LMO7: variants seen among roughly 807,000 people sequenced by gnomAD.
The protein encoded by LMO7 is LIM domain only protein 7.
LMO7 carries 120 observed loss-of-function variants against 206.5 expected under a neutral mutation model. That is an observed-to-expected ratio of 0.58 (90% CI 0.50 to 0.68). The LOEUF (loss-of-function observed/expected upper bound fraction) is 0.68. Among genes scored for constraint, LMO7 ranks in the 30% least tolerant of loss-of-function variants. LMO7 has a pLI of 0.00. For missense variants in LMO7, 1,959 were observed against 1,957.9 expected (o/e 1.00, Z -0.01); for synonymous variants, 706 against 681.5 (o/e 1.04, Z -0.56).
chr13:75,671,354 C>A (rs2039562995), intron 1 of LMO7, among the ~76,000 whole-genome samples: 1 of 152,032 alleles, frequency 6.6e-6, no homozygotes, highest in African/African-American at 2.4e-5. Flanking sequence ...TCATTTACAC[C>A]AGAATCACCA....
At chr13:75,762,987 A>T (rs2048386759) in intron 4 of LMO7, among the ~76,000 whole-genome samples, 1 of 152,194 alleles carries the variant, frequency 6.6e-6, no homozygotes, top group African/African-American at 2.4e-5. Flanking sequence ...AAGCAGATTT[A>T]AAGAAAAGCA....
chr13:75,805,057 A>G, intron 8 of LMO7: 1 of 1,001,986 alleles, frequency 1.0e-6, no homozygotes, highest in East Asian at 1.0e-4. Context: ...AAGAGGCCCC[A>G]GAATTTCATC....
intron 26 of LMO7, among the ~76,000 whole-genome samples, chr13:75,847,072 C>T (rs1163471729): frequency 6.7e-6 from 1 of 149,174 alleles, no homozygotes; most frequent in African/African-American, 2.5e-5. Flanking sequence ...AAAGTCTGAC[C>T]AAATTGATAA....
chr13:75,625,535 G>A lies in LMO7; in HGVS notation c.225+2215G>A, dbSNP rs1404542739. Among the ~76,000 whole-genome samples, 6 of 152,136 alleles carry A rather than the reference G, an allele frequency of 3.9e-5. 1 individual carries two copies. On this transcript the variant is annotated intron_variant, in intron 2 of 29. Transcript: ENST00000341547. ...CCTCTCCAGTTGATTTTCTCAGTAA[G>A]CATAAATGAAGCTGTAGATAGATGT...
At chr13:75,750,227 G>T (rs866897568) in intron 3 of LMO7, among the ~76,000 whole-genome samples, 1 of 152,054 alleles carries the variant, frequency 6.6e-6, no homozygotes, top group South Asian at 2.1e-4. Context: ...AGTACTTTTG[G>T]TGATCTAATA....
intron 21 of LMO7, 44 bp from the exon 22 acceptor site, chr13:75,840,346 GT>G: frequency 6.2e-7 from 1 of 1,606,624 alleles, no homozygotes; most frequent in Non-Finnish European, 8.5e-7. Flanking sequence ...ACTTAATGAA[GT>G]TATGTTGTTC....
chr13:75,822,292 A>C (rs1417227355), intron 14 of LMO7, among the ~76,000 whole-genome samples: 1 of 152,144 alleles, frequency 6.6e-6, no homozygotes, highest in East Asian at 1.9e-4. Context: ...GGTATAAAAA[A>C]TTGGATATTT....
At chr13:75,657,631 G>A (rs1367818193) in intron 1 of LMO7, among the ~76,000 whole-genome samples, 1 of 152,150 alleles carries the variant, frequency 6.6e-6, no homozygotes, top group African/African-American at 2.4e-5. Context: ...ATTCCTCAAG[G>A]ACCAACTTAT....
chr13:75,772,088 A>T (rs886398972), intron 4 of LMO7, among the ~76,000 whole-genome samples: 2 of 152,164 alleles, frequency 1.3e-5, no homozygotes, highest in Non-Finnish European at 2.9e-5. Flanking sequence ...TGACTCAAGC[A>T]CAGAAACACT....
rs1364825704 is a variant in LMO7 at position 75,809,018 on chromosome 13, A to G, written c.1917-136A>G. 9 of 717,964 alleles carry G rather than the reference A, an allele frequency of 1.3e-5. No homozygotes were observed. The Admixed American group carries it at 1.7e-4, about 14-fold the overall frequency. The allele number at this position is 717,964 out of a possible 1,614,324, so 44.5% of individuals were successfully genotyped here. A position where few individuals can be genotyped will look rare whatever the true frequency, so the allele number is the denominator to read the frequency against. On this transcript the variant is annotated intron_variant, in intron 10 of 30. Transcript: ENST00000377534. The stretch of plus-strand genomic sequence containing the variant: ...TTGATGAGAACTTGAGACATGATCA[A>G]GAATGTGATGGAAGAAGTGACCTTT...
intron 1 of LMO7, among the ~76,000 whole-genome samples, chr13:75,711,258 C>T (rs1373016783): frequency 6.6e-6 from 1 of 152,100 alleles, no homozygotes; most frequent in East Asian, 1.9e-4. Context: ...GTCTAAAATT[C>T]TCTTTTTTGG....
rs1331814141 is a variant in LMO7, at chr13:75,821,437, C to A, written c.2468C>A (p.Ala823Asp). The change falls in exon 14 of 31, where the codon GCC becomes GAC. Residue 823 changes from alanine (A) to aspartate (D), a missense_variant. Ala to Asp is a moderately radical substitution (Grantham distance 126). Transcript: ENST00000377534. ...AGTCCTGTGGAAGAACAAAGCCCAG[C>A]CTCTTTGTCTTCTCTGCGTTCACGG... ...SQSPVEEQSPASLSSLRSRST... is the reference protein window; with the variant it reads ...SQSPVEEQSPDSLSSLRSRST... The A allele has an allele frequency of 1.2e-6, 2 of 1,614,032 alleles. No individual in the cohort carries two copies. Among genetic ancestry groups the A allele is most frequent in the African/African-American group, 1.3e-5 (1 of 74,914 alleles).
chr13:75,756,538 C>T (rs1362689879), intron 3 of LMO7, among the ~76,000 whole-genome samples: 2 of 152,078 alleles, frequency 1.3e-5, no homozygotes, highest in Non-Finnish European at 2.9e-5. Flanking sequence ...TATTACCTGG[C>T]CTTGAGTCTT....
At chr13:75,707,685 A>G (rs1158057588) in intron 1 of LMO7, among the ~76,000 whole-genome samples, 2 of 152,134 alleles carry the variant, frequency 1.3e-5, no homozygotes, top group Non-Finnish European at 2.9e-5. Flanking sequence ...GGCATGCCAG[A>G]TTGCCACGTC....
At chr13:75,847,626 C>G (rs1460461123) in intron 26 of LMO7, among the ~76,000 whole-genome samples, 3 of 152,190 alleles carry the variant, frequency 2.0e-5, no homozygotes, top group Non-Finnish European at 4.4e-5. Context: ...AGAAAACTCC[C>G]TGTTTCCTTT....
At chr13:75,672,843 AC>A (rs1445436211) in intron 1 of LMO7, among the ~76,000 whole-genome samples, 1 of 152,200 alleles carries the variant, frequency 6.6e-6, no homozygotes, top group Non-Finnish European at 1.5e-5. Flanking sequence ...TTTTCTGTTA[AC>A]TATGTTCTCT....
At chr13:75,634,492 G>C (rs2138878164), upstream of LMO7, among the ~76,000 whole-genome samples, 1 of 152,098 alleles carries the variant, frequency 6.6e-6, no homozygotes, top group Non-Finnish European at 1.5e-5. Flanking sequence ...TGTAATCAAA[G>C]CACTTTGGGA....
At chr13:75,661,324 T>C (rs12869054) in intron 1 of LMO7, among the ~76,000 whole-genome samples, 37,291 of 152,118 alleles carry the variant, frequency 0.25, 4,980 homozygotes, top group Admixed American at 0.37. Context: ...GAGAGAGTAG[T>C]TTCTTGATAT....
intron 3 of LMO7, among the ~76,000 whole-genome samples, chr13:75,747,599 C>T (rs757640267): frequency 6.6e-6 from 1 of 152,160 alleles, no homozygotes; most frequent in Non-Finnish European, 1.5e-5. Flanking sequence ...GATGTTTAGC[C>T]ACACCTGGAG....
Sources: gnomAD v4.1 joint callset for allele counts (sites outside exome capture counted in the v4.1 genomes callset) on GRCh38, gnomAD v4.1.1 for gene constraint, MANE v1.5 for transcripts, NCBI Gene and HGNC (gene_info 2026-07-23, HGNC 2026-07-21) for gene names.